DENND11: variants seen among roughly 807,000 people sequenced by gnomAD.
DENND11 encodes DENN domain containing 11.
DENND11 carries 34 observed loss-of-function variants against 49.2 expected under a neutral mutation model. The observed-to-expected ratio is 0.69, with a 90% CI of 0.53 to 0.92. The LOEUF (loss-of-function observed/expected upper bound fraction) is 0.92, where lower values mean the gene tolerates loss of function less well. DENND11 is among the 40% of genes least tolerant of loss of function. The probability of loss-of-function intolerance (pLI) is 0.00; values close to 1 mark genes in which losing one functional copy is unlikely to be tolerated. For missense variants in DENND11, 475 were observed against 581.6 expected (o/e 0.82, Z 1.88); for synonymous variants, 238 against 230.3 (o/e 1.03, Z -0.30).
chr7:141,685,681 A>G (rs745630194), intron 2 of DENND11, 45 bp from the exon 3 acceptor site: 1 of 1,596,532 alleles, frequency 6.3e-7, no homozygotes, highest in East Asian at 2.2e-5. Context: ...TCAGAGAGGA[A>G]TTTTGAGATG....
intron 4 of DENND11, among the ~76,000 whole-genome samples, chr7:141,669,078 T>C (rs1471371222): frequency 6.6e-6 from 1 of 151,672 alleles, no homozygotes; most frequent in South Asian, 2.1e-4. Context: ...CCCCCTCCCC[T>C]GTATCCCTCT....
At chr7:141,680,084 C>A (rs1798126120) in intron 3 of DENND11, among the ~76,000 whole-genome samples, 1 of 152,156 alleles carries the variant, frequency 6.6e-6, no homozygotes, top group Non-Finnish European at 1.5e-5. Flanking sequence ...CAGATATACC[C>A]CTCACGTGTG....
chr7:141,686,560 T>G lies in DENND11; in HGVS notation c.367A>C (p.Ile123Leu). The change falls in exon 2 of 9, where the codon ATC (isoleucine) becomes CTC (leucine). Residue 123 changes from isoleucine (I) to leucine (L), a missense_variant and splice_region_variant. Physicochemically the swap from Ile to Leu is conservative, Grantham distance 5. Coordinates refer to ENST00000536163, the MANE Select transcript of DENND11 (RefSeq NM_001080392.2). ...SGSHKIQSDF[I>L]YFRKGPFFGL... is the part of the protein sequence containing the mutation. ...TGACTCCAGTTCAGAAGTACTTACA[T>G]GAAATCAGATTGGATTTTATGGGAC... The G allele has an allele frequency of 1.3e-6, 2 of 1,599,958 alleles. No homozygotes were observed. The highest frequency in any genetic ancestry group is 1.7e-6 in the Non-Finnish European group (2 of 1,168,188).
intron 1 of DENND11, among the ~76,000 whole-genome samples, chr7:141,690,518 T>C (rs1350830024): frequency 6.6e-6 from 1 of 152,218 alleles, no homozygotes; most frequent in African/African-American, 2.4e-5. Context: ...GCTCCCACAG[T>C]TGCATAAAAC....
In DENND11 at chr7:141,701,844, C is replaced by A. The variant is rs1175566692; in HGVS notation, c.268+42G>T. 27 of 1,162,686 alleles carry A rather than the reference C, an allele frequency of 2.3e-5. No individual in the cohort carries two copies. In the East Asian group the frequency reaches 8.5e-4, roughly 37 times the overall value. 72.0% of individuals were successfully genotyped at this position (1,162,686 alleles called of 1,614,324 possible). On this transcript the variant is annotated intron_variant, in intron 1 of 8. Coordinates refer to ENST00000536163, the MANE Select transcript of DENND11 (RefSeq NM_001080392.2). ...CCCGCGCCCCCAAAGCTCGGGGGCACCCCGACCCTCCCCACGCGCCTGGCC... is the reference window on the plus strand; with the variant it reads ...CCCGCGCCCCCAAAGCTCGGGGGCAACCCGACCCTCCCCACGCGCCTGGCC...
At chr7:141,671,423 C>T (rs969203744) in intron 4 of DENND11, among the ~76,000 whole-genome samples, 12 of 152,156 alleles carry the variant, frequency 7.9e-5, no homozygotes, top group East Asian at 1.9e-4. Context: ...GTGATCTGCC[C>T]GCCTTGGCCT....
At chr7:141,669,136 A>T (rs981969853) in intron 4 of DENND11, among the ~76,000 whole-genome samples, 1 of 151,496 alleles carries the variant, frequency 6.6e-6, no homozygotes, top group Non-Finnish European at 1.5e-5. Flanking sequence ...CCACATCTGG[A>T]CCTCTCAGAG....
rs576574538 is a variant in DENND11 at position 141,671,776 on chromosome 7, G to A, written c.681+2291C>T. ...GAAGGAAAAAATGGGTCTAAGTTAT[G>A]AGCAGACAGAAAGAGAACAGGACTC... On this transcript the variant is annotated intron_variant, in intron 4 of 8. Transcript: ENST00000536163. Among the ~76,000 whole-genome samples the A allele has an allele frequency of 3.3e-5, 5 of 152,314 alleles. No homozygotes were observed. The South Asian group carries it at 8.3e-4, about 25-fold the overall frequency.
chr7:141,686,058 C>T (rs1221633258), intron 2 of DENND11, among the ~76,000 whole-genome samples: 2 of 152,152 alleles, frequency 1.3e-5, no homozygotes, highest in Non-Finnish European at 2.9e-5. Context: ...ATTTTATTTC[C>T]TCCTCTTCTC....
At chr7:141,681,583 C>G (rs1798146896) in intron 3 of DENND11, among the ~76,000 whole-genome samples, 1 of 152,184 alleles carries the variant, frequency 6.6e-6, no homozygotes, top group South Asian at 2.1e-4. Flanking sequence ...TAACTATAAT[C>G]TAGTCTGCTA....
chr7:141,693,571 C>A (rs1798361257), intron 1 of DENND11, among the ~76,000 whole-genome samples: 1 of 152,100 alleles, frequency 6.6e-6, no homozygotes, highest in African/African-American at 2.4e-5. Context: ...TTCACAATGG[C>A]CCAAAACTGG....
chr7:141,668,344 TG>T (rs35151336), intron 4 of DENND11, among the ~76,000 whole-genome samples: 17,125 of 152,114 alleles, frequency 0.11, 1,357 homozygotes, highest in East Asian at 0.35. Flanking sequence ...CCCAGCACTT[TG>T]GGAGGCCGAG....
chr7:141,686,075 G>A (rs1318696822), intron 2 of DENND11, among the ~76,000 whole-genome samples: 1 of 152,090 alleles, frequency 6.6e-6, no homozygotes, highest in Non-Finnish European at 1.5e-5. Context: ...TCTCACACTT[G>A]TATCAATCAT....
Position 141,661,036 on chromosome 7 carries a change from T to A in DENND11, c.*1620A>T, listed in dbSNP as rs1023839921. 6.6e-6 allele frequency: 1 copy of A among 152,222 alleles called. No homozygotes were observed. The highest frequency in any genetic ancestry group is 1.5e-5 in the Non-Finnish European group (1 of 68,030). 9.4% of individuals were successfully genotyped at this position (152,222 alleles called of 1,614,324 possible). ...GAATTTCTTCAGTTTTGATATTCCA[T>A]ATGAAGGAGCTACAGTGAAAACACT... is the stretch of plus-strand genomic sequence containing the variant. On this transcript the variant is annotated 3_prime_UTR_variant, in exon 9 of 9. Coordinates refer to ENST00000536163, the MANE Select transcript of DENND11 (RefSeq NM_001080392.2).
chr7:141,692,546 A>C (rs906094877), intron 1 of DENND11, among the ~76,000 whole-genome samples: 21 of 152,230 alleles, frequency 1.4e-4, no homozygotes, highest in African/African-American at 4.3e-4. Flanking sequence ...CTTTACAATA[A>C]ATGGTGCTGA....
At chr7:141,676,003 A>G (rs908529427) in intron 3 of DENND11, among the ~76,000 whole-genome samples, 8 of 152,208 alleles carry the variant, frequency 5.3e-5, no homozygotes, top group Admixed American at 1.3e-4. Flanking sequence ...CAGGAAACCC[A>G]TGGTCTAAGC....
At chr7:141,678,335 A>G (rs761639537) in intron 3 of DENND11, among the ~76,000 whole-genome samples, 10 of 152,226 alleles carry the variant, frequency 6.6e-5, no homozygotes, top group Non-Finnish European at 1.0e-4. Flanking sequence ...ATGGGAAAAG[A>G]CTAGAATGGT....
At chr7:141,677,094 TG>T (rs1391467085) in intron 3 of DENND11, among the ~76,000 whole-genome samples, 4 of 152,154 alleles carry the variant, frequency 2.6e-5, no homozygotes, top group Admixed American at 1.3e-4. Context: ...GATGCCTTTG[TG>T]CGACAATTAC....
chr7:141,685,413 C>T (rs1227570428), intron 3 of DENND11, 65 bp downstream of exon 3: 33 of 1,576,688 alleles, frequency 2.1e-5, no homozygotes, highest in Middle Eastern at 1.7e-4. Flanking sequence ...TCTCCGAGGG[C>T]TCGTGCCATA....
Sources: gnomAD v4.1 joint callset for allele counts (sites outside exome capture counted in the v4.1 genomes callset) on GRCh38, gnomAD v4.1.1 for gene constraint, MANE v1.5 for transcripts, NCBI Gene and HGNC (gene_info 2026-07-23, HGNC 2026-07-21) for gene names.